Variants in ADAMTS6 observed in about 807,000 individuals in gnomAD.
ADAMTS6 encodes the protein A disintegrin and metalloproteinase with thrombospondin motifs 6.
In ADAMTS6, 23 loss-of-function variants were observed where a neutral mutation model predicts 144.3. The observed-to-expected ratio is 0.16, with a 90% CI of 0.11 to 0.23. ADAMTS6 has a LOEUF of 0.23. Ranked by LOEUF, ADAMTS6 falls within the 10% of genes least tolerant of loss-of-function variation. The pLI is 1.00. For missense variants in ADAMTS6, 999 were observed against 1,379.6 expected, an observed-to-expected ratio of 0.72 and a Z score of 4.37; for synonymous variants, 444 against 457.5, an observed-to-expected ratio of 0.97 and a Z score of 0.38.
chr5:65,155,973 C>T (rs1420520121), intron 24 of ADAMTS6, among the ~76,000 whole-genome samples: 4 of 152,062 alleles, frequency 2.6e-5, no homozygotes, highest in Non-Finnish European at 4.4e-5. Context: ...ACTATATATT[C>T]CTCCTCAAAT....
At chr5:65,220,619 T>C (rs1409643711) in intron 18 of ADAMTS6, among the ~76,000 whole-genome samples, 3 of 152,068 alleles carry the variant, frequency 2.0e-5, no homozygotes, top group African/African-American at 7.2e-5. Flanking sequence ...TCAACGTGGG[T>C]GCCTGTAGTC....
intron 7 of ADAMTS6, among the ~76,000 whole-genome samples, chr5:65,341,757 A>C (rs1317694498): frequency 1.3e-5 from 2 of 152,144 alleles, no homozygotes; most frequent in Admixed American, 1.3e-4. Context: ...GATTTCTAAC[A>C]AATCTTCTAA....
At chr5:65,164,120 C>T (rs966604353) in intron 24 of ADAMTS6, among the ~76,000 whole-genome samples, 23 of 152,176 alleles carry the variant, frequency 1.5e-4, no homozygotes, top group South Asian at 1.0e-3. Flanking sequence ...TCTGAGGTAC[C>T]GGGTTAATCT....
intron 13 of ADAMTS6, among the ~76,000 whole-genome samples, chr5:65,261,350 A>G (rs1761176664): frequency 6.6e-6 from 1 of 152,188 alleles, no homozygotes; most frequent in African/African-American, 2.4e-5. Context: ...AGGGAAAACC[A>G]TTGCTATTAT....
At chr5:65,300,676 G>A (rs1387688519) in intron 9 of ADAMTS6, among the ~76,000 whole-genome samples, 1 of 151,538 alleles carries the variant, frequency 6.6e-6, no homozygotes, top group African/African-American at 2.4e-5. Flanking sequence ...CTGTCGTCCA[G>A]GCTGGAGTGC....
At chr5:65,171,395 T>G (rs1305663844) in intron 23 of ADAMTS6, among the ~76,000 whole-genome samples, 9 of 152,166 alleles carry the variant, frequency 5.9e-5, no homozygotes, top group African/African-American at 1.9e-4. Context: ...GTTTGGAAAG[T>G]CAAAGATCAT....
chr5:65,391,340 T>C (rs1377033991), intron 7 of ADAMTS6, among the ~76,000 whole-genome samples: 2 of 152,106 alleles, frequency 1.3e-5, no homozygotes, highest in African/African-American at 4.8e-5. Context: ...GGAATACCCA[T>C]ATTCCTTTTA....
intron 9 of ADAMTS6, among the ~76,000 whole-genome samples, chr5:65,320,700 C>CA (rs1561419975): frequency 6.6e-6 from 1 of 152,040 alleles, no homozygotes; most frequent in Non-Finnish European, 1.5e-5. Context: ...GTTGTCTTCC[C>CA]ACTCTCTACC....
In ADAMTS6 at chr5:65,151,726, A is replaced by C; in HGVS notation, c.*110T>G. The C allele has an allele frequency of 1.1e-6, 1 of 920,922 alleles. No homozygotes were observed. Among genetic ancestry groups the C allele is most frequent in the Non-Finnish European group, 1.7e-6 (1 of 595,414 alleles). 57.0% of individuals were successfully genotyped at this position (920,922 alleles called of 1,614,324 possible). ...GGGCTGACCAGTGGTTACGTTTTCC[A>C]CAGGGTAATGCATTTGCAAGGACAT... On this transcript the variant is annotated 3_prime_UTR_variant, in exon 25 of 25. Coordinates refer to ENST00000381055, the MANE Select transcript of ADAMTS6 (RefSeq NM_197941.4).
intron 2 of ADAMTS6, among the ~76,000 whole-genome samples, chr5:65,471,770 A>C (rs1760467201): frequency 6.6e-6 from 1 of 151,810 alleles, no homozygotes; most frequent in Admixed American, 6.6e-5. Context: ...AAAAAAAAAC[A>C]AAACGAAAAA....
intron 20 of ADAMTS6, among the ~76,000 whole-genome samples, chr5:65,198,955 T>C (rs1275517448): frequency 1.3e-5 from 2 of 152,186 alleles, no homozygotes; most frequent in Non-Finnish European, 2.9e-5. Context: ...CATTGTGTCA[T>C]TCCAGTGGGC....
intron 24 of ADAMTS6, among the ~76,000 whole-genome samples, chr5:65,169,779 C>T (rs1450092660): frequency 1.3e-4 from 19 of 151,196 alleles, no homozygotes; most frequent in Admixed American, 6.6e-4. Flanking sequence ...AGTAAACTAT[C>T]GCAAGATCAA....
At chr5:65,290,324 G>A (rs1354886804) in intron 11 of ADAMTS6, among the ~76,000 whole-genome samples, 2 of 152,154 alleles carry the variant, frequency 1.3e-5, no homozygotes, top group Non-Finnish European at 2.9e-5. Context: ...GCCAAGGTGG[G>A]CAGATCACTT....
At chr5:65,351,510 A>G (rs1035376836) in intron 7 of ADAMTS6, among the ~76,000 whole-genome samples, 3 of 152,238 alleles carry the variant, frequency 2.0e-5, no homozygotes, top group African/African-American at 7.2e-5. Context: ...TAGGCATTTG[A>G]TTCTGTCATT....
At chr5:65,405,304 T>C (rs1177460462) in intron 7 of ADAMTS6, among the ~76,000 whole-genome samples, 2 of 152,198 alleles carry the variant, frequency 1.3e-5, no homozygotes, top group African/African-American at 2.4e-5. Flanking sequence ...CTTTAATCCA[T>C]TTTGAATTAA....
At chr5:65,373,227 A>G (rs1265569296) in intron 7 of ADAMTS6, among the ~76,000 whole-genome samples, 2 of 151,054 alleles carry the variant, frequency 1.3e-5, no homozygotes, top group African/African-American at 2.4e-5. Context: ...CACATTCAAA[A>G]GCTAGCAGAA....
intron 7 of ADAMTS6, among the ~76,000 whole-genome samples, chr5:65,393,031 T>C (rs1224200724): frequency 3.3e-5 from 5 of 152,230 alleles, no homozygotes; most frequent in African/African-American, 7.2e-5. Context: ...ATTTTCAAAA[T>C]GTGCTCAGTA....
intron 20 of ADAMTS6, among the ~76,000 whole-genome samples, chr5:65,200,936 C>A (rs1412894329): frequency 6.6e-6 from 1 of 152,186 alleles, no homozygotes; most frequent in African/African-American, 2.4e-5. Context: ...ATGTAACCCT[C>A]ACTTTTTGTC....
intron 7 of ADAMTS6, among the ~76,000 whole-genome samples, chr5:65,408,442 G>A (rs928820961): frequency 6.6e-6 from 1 of 152,136 alleles, no homozygotes; most frequent in African/African-American, 2.4e-5. Flanking sequence ...TCAACAAGAA[G>A]AGCTAACTAT....
Sources: gnomAD v4.1 joint callset for allele counts (sites outside exome capture counted in the v4.1 genomes callset) on GRCh38, gnomAD v4.1.1 for gene constraint, MANE v1.5 for transcripts, NCBI Gene and HGNC (gene_info 2026-07-23, HGNC 2026-07-21) for gene names.